The following EYA2 variants were observed in gnomAD, a reference collection of about 807,000 sequenced individuals.
EYA2 encodes the protein protein phosphatase EYA2.
EYA2 carries 31 observed loss-of-function variants against 69.2 expected under a neutral mutation model. The observed-to-expected ratio is 0.45, with a 90% CI of 0.34 to 0.60. The LOEUF (loss-of-function observed/expected upper bound fraction) is 0.60. Among genes scored for constraint, EYA2 ranks in the 20% least tolerant of loss-of-function variants. EYA2 has a pLI of 0.02. For missense variants in EYA2, 622 were observed against 701.2 expected (o/e 0.89, Z 1.28); for synonymous variants, 257 against 279.4 (o/e 0.92, Z 0.80).
chr20:47,081,608 G>A (rs748441952), intron 7 of EYA2, among the ~76,000 whole-genome samples: 175 of 151,404 alleles, frequency 1.2e-3, no homozygotes, highest in Non-Finnish European at 1.8e-3. Context: ...GCGAAACCCC[G>A]TCTCTACTAA....
chr20:46,910,376 T>C (rs1367926172), intron 1 of EYA2, among the ~76,000 whole-genome samples: 3 of 151,872 alleles, frequency 2.0e-5, no homozygotes, highest in Admixed American at 6.6e-5. Flanking sequence ...GAAAATCCAA[T>C]CCCCCTTGAT....
At chr20:47,147,896 T>G (rs2033735236) in intron 10 of EYA2, among the ~76,000 whole-genome samples, 1 of 151,752 alleles carries the variant, frequency 6.6e-6, no homozygotes, top group Non-Finnish European at 1.5e-5. Flanking sequence ...CCGTCTTTAC[T>G]AAAAATACAA....
At chr20:46,955,281 G>A in intron 1 of EYA2, among the ~76,000 whole-genome samples, 1 of 152,078 alleles carries the variant, frequency 6.6e-6, no homozygotes, top group Admixed American at 6.5e-5. Context: ...ACAGGCGTGA[G>A]CCACCAGGCC....
chr20:47,144,982 A>G (rs1166731450), intron 10 of EYA2, among the ~76,000 whole-genome samples: 1 of 152,208 alleles, frequency 6.6e-6, no homozygotes, highest in African/African-American at 2.4e-5. Flanking sequence ...AACTCGTTTT[A>G]ACCAAAAGTG....
intron 9 of EYA2, among the ~76,000 whole-genome samples, chr20:47,122,992 T>G (rs1381526537): frequency 6.6e-6 from 1 of 152,162 alleles, no homozygotes; most frequent in Non-Finnish European, 1.5e-5. Flanking sequence ...CTCAGACAAG[T>G]CACTTTGCCT....
chr20:47,121,805 G>A (rs578082747), intron 9 of EYA2, among the ~76,000 whole-genome samples: 64 of 151,984 alleles, frequency 4.2e-4, no homozygotes, highest in Non-Finnish European at 7.6e-4. Flanking sequence ...AGACTACCAC[G>A]CTGGGAAGTG....
At chr20:46,921,122 C>T (rs112144091) in intron 1 of EYA2, among the ~76,000 whole-genome samples, 258 of 152,326 alleles carry the variant, frequency 1.7e-3, no homozygotes, top group African/African-American at 5.8e-3. Flanking sequence ...GTGCCCACAC[C>T]TCCGCTGGCT....
At chr20:46,978,601 A>C (rs775757265) in intron 1 of EYA2, 1 of 534,818 alleles carries the variant, frequency 1.9e-6, no homozygotes, top group Non-Finnish European at 3.8e-6. Context: ...TCTTAAGAGC[A>C]ATGGAAAGCC....
chr20:46,938,555 T>A (rs1172642567), intron 1 of EYA2, among the ~76,000 whole-genome samples: 1 of 152,076 alleles, frequency 6.6e-6, no homozygotes, highest in Non-Finnish European at 1.5e-5. Context: ...TAGCTGTTGA[T>A]TGGAGGCCTC....
At chr20:47,084,557 TAAAG>T (rs1181510779) in intron 7 of EYA2, among the ~76,000 whole-genome samples, 2 of 151,892 alleles carry the variant, frequency 1.3e-5, no homozygotes, top group Non-Finnish European at 2.9e-5. Context: ...GAAATAAAAA[TAAAG>T]AAATGGGCAA....
chr20:47,142,147 G>C (rs901962453), intron 9 of EYA2, among the ~76,000 whole-genome samples: 6 of 152,154 alleles, frequency 3.9e-5, no homozygotes, highest in African/African-American at 9.7e-5. Flanking sequence ...ACAATACACT[G>C]ATTTTCTAAA....
At chr20:46,929,554 G>T (rs1244903559) in intron 1 of EYA2, among the ~76,000 whole-genome samples, 1 of 152,048 alleles carries the variant, frequency 6.6e-6, no homozygotes, top group Non-Finnish European at 1.5e-5. Flanking sequence ...GTAGTGAGTG[G>T]ACTGTCCTCA....
chr20:47,061,072 T>TCAAA (rs1468217763), intron 5 of EYA2, among the ~76,000 whole-genome samples: 1 of 152,008 alleles, frequency 6.6e-6, no homozygotes, highest in East Asian at 1.9e-4. Flanking sequence ...CAGGCTGGTC[T>TCAAA]CAAACTCCTG....
intron 8 of EYA2, among the ~76,000 whole-genome samples, chr20:47,092,415 C>A (rs141766798): frequency 6.6e-6 from 1 of 152,174 alleles, no homozygotes; most frequent in South Asian, 2.1e-4. Flanking sequence ...GGGTTTAGGC[C>A]TTTGCAAAAG....
chr20:46,915,352 A>G (rs1984854586), intron 1 of EYA2, among the ~76,000 whole-genome samples: 1 of 152,204 alleles, frequency 6.6e-6, no homozygotes, highest in African/African-American at 2.4e-5. Context: ...GTGTCAAATT[A>G]TGCCCCTCTC....
intron 9 of EYA2, among the ~76,000 whole-genome samples, chr20:47,137,452 A>G (rs1324180028): frequency 1.3e-5 from 2 of 152,144 alleles, no homozygotes; most frequent in Admixed American, 6.5e-5. Context: ...CTGCAATGTT[A>G]GGTCTTAGAG....
At chr20:46,944,342 G>A (rs924796034) in intron 1 of EYA2, among the ~76,000 whole-genome samples, 2 of 152,194 alleles carry the variant, frequency 1.3e-5, no homozygotes, top group African/African-American at 4.8e-5. Context: ...ACTCCAGGGC[G>A]GGTTCGTAAG....
chr20:47,144,849 C>T (rs960900622), intron 10 of EYA2, among the ~76,000 whole-genome samples: 4 of 152,188 alleles, frequency 2.6e-5, no homozygotes, highest in South Asian at 2.1e-4. Flanking sequence ...TTCACGATGA[C>T]GTCTATGGCT....
chr20:46,917,801 T>C (rs529247612), intron 1 of EYA2, among the ~76,000 whole-genome samples: 1 of 152,340 alleles, frequency 6.6e-6, no homozygotes, highest in African/African-American at 2.4e-5. Flanking sequence ...TAGCGAGTTG[T>C]AGTCTTTTTG....
Sources: gnomAD v4.1 joint callset for allele counts (sites outside exome capture counted in the v4.1 genomes callset) on GRCh38, gnomAD v4.1.1 for gene constraint, MANE v1.5 for transcripts, NCBI Gene and HGNC (gene_info 2026-07-23, HGNC 2026-07-21) for gene names.